NWD2: variants seen among roughly 807,000 people sequenced by gnomAD.
NWD2 encodes the protein NACHT and WD repeat domain-containing protein 2.
In NWD2, 37 loss-of-function variants were observed where a neutral mutation model predicts 132.7. The observed-to-expected ratio is 0.28, with a 90% CI of 0.21 to 0.37. NWD2 has a LOEUF of 0.37. Among genes scored for constraint, NWD2 ranks in the 10% least tolerant of loss-of-function variants. The pLI, the probability that NWD2 is intolerant of heterozygous loss-of-function variation, is 1.00. For synonymous variants in NWD2, 705 were observed against 803.0 expected (o/e 0.88, Z 2.06); for missense variants, 1,592 against 2,122.4 (o/e 0.75, Z 4.91).
intron 1 of NWD2, among the ~76,000 whole-genome samples, chr4:37,251,739 C>T (rs1255814715): frequency 6.6e-6 from 1 of 152,206 alleles, no homozygotes; most frequent in Non-Finnish European, 1.5e-5. Context: ...GAACTTCAGG[C>T]TTTCAGCCCC....
Position 37,443,796 on chromosome 4 carries a change from C to A in NWD2, c.1808C>A (p.Ala603Glu). 1 of 1,552,072 alleles carries A rather than the reference C, an allele frequency of 6.4e-7. No individual in the cohort carries two copies. The highest frequency in any genetic ancestry group is 1.2e-5 in the South Asian group (1 of 84,062). Residue 603 changes from alanine to glutamate, a missense_variant, in exon 7 of 7, where the codon GCA (alanine) becomes GAA (glutamate). Transcript: ENST00000309447. The surrounding 1 kb of genome is among the most constrained non-coding windows in gnomAD (Gnocchi z 4.1). ...GGCCAGCAGATTTATGTGAACAATG[C>A]ATTATCCAAGTGCACACTGCCAATG... is the stretch of plus-strand genomic sequence containing the variant. ...TSGQQIYVNNALSKCTLPMFV... is the reference protein window; with the variant it reads ...TSGQQIYVNNELSKCTLPMFV...
chr4:37,264,233 G>T (rs960889914), intron 1 of NWD2, among the ~76,000 whole-genome samples: 2 of 152,140 alleles, frequency 1.3e-5, no homozygotes, highest in Non-Finnish European at 2.9e-5. Flanking sequence ...CATAATAGAA[G>T]AATTTGAGTG....
chr4:37,447,311 C>T lies in NWD2; in HGVS notation c.*94C>T, dbSNP rs1712666550. 1.1e-6 allele frequency: 1 copy of T among 939,902 alleles called. No individual in the cohort carries two copies. Among genetic ancestry groups the T allele is most frequent in the African/African-American group, 1.7e-5 (1 of 59,746 alleles). The allele number at this position is 939,902 out of a possible 1,614,324, so 58.2% of individuals were successfully genotyped here. Reference sequence around the variant, plus strand: ...GATAAACTATTCATTTATTAAAAGGCAGGAGCGATGCTGGAATTCCAGTGT... The same window carrying T: ...GATAAACTATTCATTTATTAAAAGGTAGGAGCGATGCTGGAATTCCAGTGT... On this transcript the variant is annotated 3_prime_UTR_variant, in exon 7 of 7. Transcript: ENST00000309447.
chr4:37,253,136 A>G (rs1297008479), intron 1 of NWD2, among the ~76,000 whole-genome samples: 1 of 152,164 alleles, frequency 6.6e-6, no homozygotes, highest in Non-Finnish European at 1.5e-5. Flanking sequence ...AATTATTGTC[A>G]TCATTACTAT....
At chr4:37,338,542 C>G (rs77367107) in intron 2 of NWD2, among the ~76,000 whole-genome samples, 3,596 of 152,318 alleles carry the variant, frequency 0.024, 151 homozygotes, top group African/African-American at 0.082. Context: ...ATCCTGCTAA[C>G]CAGAGGACGA....
intron 3 of NWD2, among the ~76,000 whole-genome samples, chr4:37,424,996 G>A (rs1196313618): frequency 6.6e-6 from 1 of 152,010 alleles, no homozygotes; most frequent in Non-Finnish European, 1.5e-5. Context: ...ATTGAGAGGA[G>A]GGAAAATGTT....
At chr4:37,377,566 T>C (rs913283344) in intron 3 of NWD2, among the ~76,000 whole-genome samples, 2 of 152,072 alleles carry the variant, frequency 1.3e-5, no homozygotes, top group Non-Finnish European at 2.9e-5. Flanking sequence ...ACCCCGTCTC[T>C]ACTAAAAATA....
intron 1 of NWD2, among the ~76,000 whole-genome samples, chr4:37,253,589 C>T (rs7661725): frequency 0.68 from 103,976 of 152,032 alleles, 35,672 homozygotes; most frequent in East Asian, 0.76. Flanking sequence ...CAGCCCATTA[C>T]CTCATATAAA....
intron 3 of NWD2, among the ~76,000 whole-genome samples, chr4:37,407,100 G>A (rs1328373429): frequency 1.3e-5 from 2 of 152,120 alleles, no homozygotes; most frequent in Admixed American, 1.3e-4. Context: ...GAGGGCATTA[G>A]AACAAATACC....
intron 3 of NWD2, among the ~76,000 whole-genome samples, chr4:37,396,891 G>A (rs143298671): frequency 6.6e-6 from 1 of 152,012 alleles, no homozygotes; most frequent in Admixed American, 6.5e-5. Flanking sequence ...AAATTAGCCG[G>A]GTGTGGTGGT....
intron 3 of NWD2, among the ~76,000 whole-genome samples, chr4:37,392,296 G>A (rs1036014444): frequency 6.6e-6 from 1 of 152,110 alleles, no homozygotes; most frequent in African/African-American, 2.4e-5. Flanking sequence ...AGCCTGATAC[G>A]CTCCCATCAA....
At chr4:37,335,659 T>C (rs1470304230) in intron 2 of NWD2, among the ~76,000 whole-genome samples, 3 of 151,886 alleles carry the variant, frequency 2.0e-5, no homozygotes, top group East Asian at 3.9e-4. Flanking sequence ...TAGATTCTCA[T>C]AGGAACATGA....
intron 3 of NWD2, among the ~76,000 whole-genome samples, chr4:37,374,900 A>G (rs1256026518): frequency 6.6e-6 from 1 of 152,242 alleles, no homozygotes; most frequent in Non-Finnish European, 1.5e-5. Context: ...GAGTTTCTCA[A>G]CTGAATGATA....
Position 37,443,802 on chromosome 4 carries a change from C to G in NWD2, c.1814C>G (p.Ser605Cys). The G allele has an allele frequency of 2.6e-6, 4 of 1,552,066 alleles. No individual in the cohort carries two copies. The African/African-American group carries it at 5.5e-5, about 21-fold the overall frequency. ...GQQIYVNNAL[S>C]KCTLPMFVNL... ...CAGATTTATGTGAACAATGCATTAT[C>G]CAAGTGCACACTGCCAATGTTTGTG... is the stretch of plus-strand genomic sequence containing the variant. The change falls in exon 7 of 7, where the codon TCC becomes TGC. Residue 605 changes from serine (S) to cysteine (C), a missense_variant. Ser to Cys is a moderately radical substitution (Grantham distance 112). This residue lies in a region of NWD2 where 1,071 missense variants were observed against 1,398.0 expected (regional missense o/e 0.77). Transcript: ENST00000309447. The surrounding 1 kb of genome is among the most constrained non-coding windows in gnomAD (Gnocchi z 4.1).
At chr4:37,402,697 G>A (rs9306948) in intron 3 of NWD2, among the ~76,000 whole-genome samples, 26,264 of 152,132 alleles carry the variant, frequency 0.17, 2,622 homozygotes, top group Non-Finnish European at 0.23. Flanking sequence ...ATGCTAATAC[G>A]TTCTAGCCCT....
At chr4:37,384,671 C>T (rs1424947124) in intron 3 of NWD2, among the ~76,000 whole-genome samples, 1 of 152,230 alleles carries the variant, frequency 6.6e-6, no homozygotes, top group East Asian at 1.9e-4. Flanking sequence ...TTCTGGCCAA[C>T]AGGCAGAGCT....
intron 1 of NWD2, among the ~76,000 whole-genome samples, chr4:37,316,703 A>T (rs923844495): frequency 6.6e-6 from 1 of 152,172 alleles, no homozygotes; most frequent in Non-Finnish European, 1.5e-5. Context: ...CTTGATTATA[A>T]TAGCTGATTT....
At chr4:37,254,717 T>C (rs1717476062) in intron 1 of NWD2, among the ~76,000 whole-genome samples, 1 of 148,352 alleles carries the variant, frequency 6.7e-6, no homozygotes, top group South Asian at 2.1e-4. Flanking sequence ...AAGAGTAATG[T>C]GATAGAAAGT....
At chr4:37,355,455 TG>T (rs1719852944) in intron 2 of NWD2, among the ~76,000 whole-genome samples, 1 of 152,138 alleles carries the variant, frequency 6.6e-6, no homozygotes, top group Non-Finnish European at 1.5e-5. Flanking sequence ...CAGAATCTGC[TG>T]GGGCCACAAG....
Sources: gnomAD v4.1 joint callset for allele counts (sites outside exome capture counted in the v4.1 genomes callset) on GRCh38, gnomAD v4.1.1 for gene constraint, gnomAD v4.1.1 regional missense constraint, Gnocchi (gnomAD v3.1) non-coding constraint, MANE v1.5 for transcripts, NCBI Gene and HGNC (gene_info 2026-07-23, HGNC 2026-07-21) for gene names.